The following NRP1 variants were observed in gnomAD, a reference collection of about 807,000 sequenced individuals.
The protein encoded by NRP1 is neuropilin-1.
Under a neutral mutation model 106.7 loss-of-function variants are expected in NRP1, and 35 were observed. The observed-to-expected ratio is 0.33, with a 90% CI of 0.25 to 0.43. The LOEUF (loss-of-function observed/expected upper bound fraction) is 0.43. NRP1 is among the 20% of genes least tolerant of loss of function. The probability of loss-of-function intolerance (pLI) is 1.00; values close to 1 mark genes in which losing one functional copy is unlikely to be tolerated. For missense variants in NRP1, 1,024 were observed against 1,170.4 expected, an observed-to-expected ratio of 0.87 and a Z score of 1.83; for synonymous variants, 437 against 417.9, an observed-to-expected ratio of 1.05 and a Z score of -0.56.
chr10:33,254,018 T>C lies in NRP1; in HGVS notation c.981+10A>G. On this transcript the variant is annotated intron_variant, in intron 6 of 16. Coordinates refer to ENST00000374867, the MANE Select transcript of NRP1 (RefSeq NM_003873.7). ...TCAATCCTAGATAGGCTTGATCTTA[T>C]GCTGCATACCTGTATCCACTCTCGG... 1 of 1,596,782 alleles carries C rather than the reference T, an allele frequency of 6.3e-7. No individual in the cohort carries two copies. The highest frequency in any genetic ancestry group is 8.5e-7 in the Non-Finnish European group (1 of 1,174,986).
intron 2 of NRP1, among the ~76,000 whole-genome samples, chr10:33,278,015 C>T (rs879592054): frequency 3.3e-5 from 5 of 152,118 alleles, no homozygotes; most frequent in African/African-American, 1.2e-4. Flanking sequence ...TTCTTGTAGT[C>T]CTTTCAATAC....
chr10:33,216,795 C>T (rs1564391704), intron 8 of NRP1, among the ~76,000 whole-genome samples: 1 of 152,106 alleles, frequency 6.6e-6, no homozygotes, highest in Admixed American at 6.5e-5. Flanking sequence ...TCTGCCTCCC[C>T]AGATTTTAAC....
At chr10:33,271,798 A>C (rs1010237524) in intron 2 of NRP1, among the ~76,000 whole-genome samples, 2 of 152,202 alleles carry the variant, frequency 1.3e-5, no homozygotes, top group African/African-American at 4.8e-5. Flanking sequence ...AAAATAAGAA[A>C]GCTTTTGTCT....
rs538825210 is a variant in NRP1, at chr10:33,185,959, T to C, written c.2335-235A>G. The stretch of plus-strand genomic sequence containing the variant: ...GGGAGAAAGCAGCAAACAAAAGGAA[T>C]GATACATTGTGAAAGCCCAGAAATA... On this transcript the variant is annotated intron_variant, in intron 14 of 16. Transcript: ENST00000374867. Among the ~76,000 whole-genome samples, 145 of 152,324 alleles carry C rather than the reference T, an allele frequency of 9.5e-4. No homozygotes were observed. In the South Asian group the frequency reaches 0.015, roughly 16 times the overall value.
chr10:33,313,825 C>T (rs1269876048), intron 2 of NRP1, among the ~76,000 whole-genome samples: 2 of 152,192 alleles, frequency 1.3e-5, no homozygotes, highest in East Asian at 3.9e-4. Context: ...ACCAAGGAGA[C>T]AAAGCTGAGG....
intron 2 of NRP1, among the ~76,000 whole-genome samples, chr10:33,293,065 T>G (rs1333821183): frequency 6.6e-6 from 1 of 152,124 alleles, no homozygotes; most frequent in East Asian, 1.9e-4. Flanking sequence ...AACCCCTACC[T>G]TCAAGAAAAT....
At chr10:33,259,654 A>T (rs1023910380) in intron 4 of NRP1, among the ~76,000 whole-genome samples, 3 of 152,328 alleles carry the variant, frequency 2.0e-5, no homozygotes, top group African/African-American at 7.2e-5. Context: ...ATCATATCGT[A>T]TCAGATGTGA....
Position 33,230,583 on chromosome 10 carries a change from T to C in NRP1, c.982-4294A>G, listed in dbSNP as rs191322361. On this transcript the variant is annotated intron_variant, in intron 6 of 16. Coordinates refer to ENST00000374867, the MANE Select transcript of NRP1 (RefSeq NM_003873.7). ...TTACTAAAATAACTCCTATTTTCCA[T>C]TAGTTTCTCATATATGTGTGTGTGT... Among the ~76,000 whole-genome samples the C allele has an allele frequency of 3.8e-3, 549 of 145,824 alleles. 5 individuals carry two copies. Among genetic ancestry groups the C allele is most frequent in the South Asian group, 0.017 (77 of 4,514 alleles).
intron 2 of NRP1, among the ~76,000 whole-genome samples, chr10:33,297,521 A>C (rs1845492468): frequency 6.6e-6 from 1 of 152,048 alleles, no homozygotes; most frequent in Non-Finnish European, 1.5e-5. Context: ...CCCTGTCCCT[A>C]CTAAAAATAC....
intron 2 of NRP1, among the ~76,000 whole-genome samples, chr10:33,296,254 G>A (rs1845376112): frequency 6.6e-6 from 1 of 152,220 alleles, no homozygotes; most frequent in African/African-American, 2.4e-5. Flanking sequence ...GCCTTTCAGT[G>A]AGGACAGGAA....
At chr10:33,310,493 C>T (rs1157090277) in intron 2 of NRP1, among the ~76,000 whole-genome samples, 1 of 151,248 alleles carries the variant, frequency 6.6e-6, no homozygotes, top group Non-Finnish European at 1.5e-5. Flanking sequence ...TCAAGTGATT[C>T]ACTCGACTTG....
chr10:33,183,586 T>C (rs1835822899), intron 15 of NRP1, among the ~76,000 whole-genome samples: 1 of 152,224 alleles, frequency 6.6e-6, no homozygotes, highest in African/African-American at 2.4e-5. Flanking sequence ...AAATAGCTAT[T>C]GAAGAAGTAG....
intron 6 of NRP1, among the ~76,000 whole-genome samples, chr10:33,251,703 G>A (rs529752718): frequency 2.6e-4 from 39 of 152,222 alleles, no homozygotes; most frequent in Non-Finnish European, 5.6e-4. Flanking sequence ...GAGAGGCCAT[G>A]TAGTCTTAGT....
At chr10:33,323,058 T>A (rs538002222) in intron 2 of NRP1, among the ~76,000 whole-genome samples, 1 of 152,140 alleles carries the variant, frequency 6.6e-6, no homozygotes, top group Non-Finnish European at 1.5e-5. Flanking sequence ...TGGGCACATA[T>A]TGAAGACTCA....
intron 7 of NRP1, among the ~76,000 whole-genome samples, chr10:33,225,257 G>A (rs1839568022): frequency 1.3e-5 from 2 of 152,026 alleles, no homozygotes; most frequent in Non-Finnish European, 2.9e-5. Context: ...ACACCCAGGG[G>A]GCTTTTCTCA....
intron 2 of NRP1, among the ~76,000 whole-genome samples, chr10:33,324,913 G>A (rs190031699): frequency 6.6e-6 from 1 of 152,282 alleles, no homozygotes; most frequent in Non-Finnish European, 1.5e-5. Flanking sequence ...GTTTGCGAGT[G>A]AGCCACCGTG....
In NRP1 at chr10:33,207,672, A is replaced by G. The variant is rs1379222019; in HGVS notation, c.1659T>C (p.Thr553=). 6.2e-7 allele frequency: 1 copy of G among 1,614,002 alleles called. No homozygotes were observed. The highest frequency in any genetic ancestry group is 1.7e-5 in the Admixed American group (1 of 59,994). The change falls in exon 10 of 17, where the codon ACT becomes ACC. Residue 553 remains threonine (T), a synonymous_variant. Transcript: ENST00000374867. ...NNNYDTPELR[T]FPALSTRFIR... is the part of the protein sequence containing the mutation. ...TGAATCGCGTGGAGAGAGCTGGAAAAGTCCGCAGCTCAGGTGTATCATAGT... is the reference window on the plus strand; with the variant it reads ...TGAATCGCGTGGAGAGAGCTGGAAAGGTCCGCAGCTCAGGTGTATCATAGT...
At chr10:33,334,268 G>C in intron 1 of NRP1, 42 bp downstream of exon 1, 2 of 1,524,790 alleles carry the variant, frequency 1.3e-6, no homozygotes, top group Non-Finnish European at 1.8e-6. Flanking sequence ...GCAGCTGGGA[G>C]CCGGGGCGCC....
chr10:33,270,568 C>G, intron 3 of NRP1, 107 bp downstream of exon 3: 1 of 883,620 alleles, frequency 1.1e-6, no homozygotes, highest in Non-Finnish European at 1.7e-6. Flanking sequence ...CTCAAGTGAT[C>G]CACCTGCCTC....
Sources: gnomAD v4.1 joint callset for allele counts (sites outside exome capture counted in the v4.1 genomes callset) on GRCh38, gnomAD v4.1.1 for gene constraint, MANE v1.5 for transcripts, NCBI Gene and HGNC (gene_info 2026-07-23, HGNC 2026-07-21) for gene names.